The following DAAM1 variants were observed in gnomAD, a reference collection of about 807,000 sequenced individuals.
DAAM1 encodes the protein disheveled-associated activator of morphogenesis 1.
Under a neutral mutation model 130.0 loss-of-function variants are expected in DAAM1, and 52 were observed. The ratio of observed to expected loss-of-function variants is 0.40; its 90% CI spans 0.32 to 0.50. The LOEUF (loss-of-function observed/expected upper bound fraction) is 0.50. DAAM1 is among the 20% of genes least tolerant of loss of function. The pLI, the probability that DAAM1 is intolerant of heterozygous loss-of-function variation, is 0.61. For missense variants in DAAM1, 1,134 were observed against 1,303.8 expected, an observed-to-expected ratio of 0.87 and a Z score of 2.01; for synonymous variants, 452 against 444.5, an observed-to-expected ratio of 1.02 and a Z score of -0.21.
rs1416277410 is a variant in DAAM1, at chr14:59,331,489, A to G, written c.1841A>G (p.Asn614Ser). 6.9e-6 allele frequency: 11 copies of G among 1,599,064 alleles called. No homozygotes were observed. Among genetic ancestry groups the G allele is most frequent in the South Asian group, 2.2e-5 (2 of 90,110 alleles). Residue 614 changes from asparagine (N) to serine (S), a missense_variant, in exon 14 of 25, where the codon AAC becomes AGC. Coordinates refer to ENST00000360909, the MANE Select transcript of DAAM1 (RefSeq NM_001270520.2). Reference protein sequence around the residue: ...PQPTNALKSFNWSKLPENKLE... With the variant: ...PQPTNALKSFSWSKLPENKLE... Reference sequence around the variant, plus strand: ...CCCACAAATGCCCTGAAATCCTTCAACTGGTCTAAACTGCCCGAGGTGAGC... The same window carrying G: ...CCCACAAATGCCCTGAAATCCTTCAGCTGGTCTAAACTGCCCGAGGTGAGC...
At chr14:59,213,059 A>C (rs1453990982) in intron 1 of DAAM1, among the ~76,000 whole-genome samples, 1 of 151,442 alleles carries the variant, frequency 6.6e-6, no homozygotes, top group African/African-American at 2.4e-5. Context: ...CCTCCCCAGG[A>C]GTAGGGATTA....
chr14:59,356,669 T>A (rs1436383310), intron 20 of DAAM1, among the ~76,000 whole-genome samples: 8 of 152,194 alleles, frequency 5.3e-5, no homozygotes. Context: ...CTTATTTGTG[T>A]CTAAAGAGCC....
At chr14:59,328,638 G>A (rs1397278164) in intron 12 of DAAM1, among the ~76,000 whole-genome samples, 1 of 152,152 alleles carries the variant, frequency 6.6e-6, no homozygotes, top group Non-Finnish European at 1.5e-5. Context: ...TGCAACCTGA[G>A]GATTAATCCT....
intron 23 of DAAM1, among the ~76,000 whole-genome samples, chr14:59,367,103 C>G (rs1398091775): frequency 6.6e-6 from 1 of 151,914 alleles, no homozygotes; most frequent in Non-Finnish European, 1.5e-5. Flanking sequence ...GCCCGGCCAA[C>G]ATGGCAAAAT....
Position 59,367,769 on chromosome 14 carries a change from G to A in DAAM1, c.2997+170G>A, listed in dbSNP as rs149871150. ...GTTGTTTCTCTTGGGCTATTTAACA[G>A]TGTATATTCAAAGCCTTAAAAAAAA... is the stretch of plus-strand genomic sequence containing the variant. On this transcript the variant is annotated intron_variant, in intron 24 of 24. Transcript: ENST00000360909. 0.01 allele frequency among the ~76,000 whole-genome samples: 1,553 copies of A among 152,058 alleles called. 12 individuals carry two copies. Among genetic ancestry groups the A allele is most frequent in the Admixed American group, 0.016 (252 of 15,274 alleles).
intron 3 of DAAM1, among the ~76,000 whole-genome samples, chr14:59,296,928 A>G (rs532945792): frequency 2.6e-5 from 4 of 152,248 alleles, no homozygotes; most frequent in Non-Finnish European, 5.9e-5. Flanking sequence ...AAGTCAGTGC[A>G]GGGGAAGACT....
Position 59,249,233 on chromosome 14 carries a change from C to A in DAAM1, c.-37-14208C>A, listed in dbSNP as rs150485851. The stretch of plus-strand genomic sequence containing the variant: ...AAAGGAGCCTATTAACACAGCAGAA[C>A]AAATTCCTGGCATCTTAGGTATTTT... On this transcript the variant is annotated intron_variant, in intron 1 of 24. Coordinates refer to ENST00000360909, the MANE Select transcript of DAAM1 (RefSeq NM_001270520.2). Among the ~76,000 whole-genome samples, 1,306 of 152,342 alleles carry A rather than the reference C, an allele frequency of 8.6e-3. 5 individuals are homozygous for A. Among genetic ancestry groups the A allele is most frequent in the Middle Eastern group, 0.017 (5 of 294 alleles).
intron 1 of DAAM1, among the ~76,000 whole-genome samples, chr14:59,203,158 A>T (rs1888162296): frequency 9.2e-6 from 1 of 108,112 alleles, no homozygotes. Flanking sequence ...CTTCTGGCTA[A>T]TTTTTTTTTT....
intron 20 of DAAM1, among the ~76,000 whole-genome samples, chr14:59,356,914 C>T (rs752222753): frequency 6.6e-6 from 1 of 152,206 alleles, no homozygotes; most frequent in Non-Finnish European, 1.5e-5. Flanking sequence ...GCGCCCACAC[C>T]TTATACACCT....
At chr14:59,231,679 A>G (rs1190845628) in intron 1 of DAAM1, among the ~76,000 whole-genome samples, 1 of 152,150 alleles carries the variant, frequency 6.6e-6, no homozygotes, top group East Asian at 1.9e-4. Flanking sequence ...CATGCCAGTA[A>G]TAAAACTCAC....
At chr14:59,306,220 C>T (rs191538601) in intron 3 of DAAM1, among the ~76,000 whole-genome samples, 66 of 152,226 alleles carry the variant, frequency 4.3e-4, no homozygotes, top group African/African-American at 1.5e-3. Flanking sequence ...CTCTAAAGTT[C>T]AGAAATGTGT....
chr14:59,227,387 T>C (rs548293271), intron 1 of DAAM1, among the ~76,000 whole-genome samples: 72 of 152,314 alleles, frequency 4.7e-4, no homozygotes, highest in African/African-American at 1.7e-3. Flanking sequence ...CACCTTCTTG[T>C]TATCTTACGT....
chr14:59,289,628 G>A (rs1038480576), intron 2 of DAAM1, among the ~76,000 whole-genome samples: 5 of 151,312 alleles, frequency 3.3e-5, no homozygotes, highest in African/African-American at 1.2e-4. Flanking sequence ...CCCACTATTG[G>A]GTATATATAC....
chr14:59,285,410 G>A (rs1883400146), intron 2 of DAAM1, among the ~76,000 whole-genome samples: 1 of 152,148 alleles, frequency 6.6e-6, no homozygotes, highest in Non-Finnish European at 1.5e-5. Context: ...ACGGCACAAT[G>A]AAAGGATCAA....
At chr14:59,192,702 T>C (rs768817492) in intron 1 of DAAM1, among the ~76,000 whole-genome samples, 12 of 152,220 alleles carry the variant, frequency 7.9e-5, no homozygotes, top group Middle Eastern at 3.2e-3. Context: ...ATAGAGGTAA[T>C]ATTCTAAGTG....
At chr14:59,347,188 A>G (rs1886117418) in intron 16 of DAAM1, among the ~76,000 whole-genome samples, 1 of 152,232 alleles carries the variant, frequency 6.6e-6, no homozygotes, top group Non-Finnish European at 1.5e-5. Flanking sequence ...CAGGTCAGAA[A>G]CTTAATTCTG....
intron 1 of DAAM1, among the ~76,000 whole-genome samples, chr14:59,220,982 A>G (rs1888753516): frequency 1.3e-5 from 2 of 152,246 alleles, no homozygotes; most frequent in South Asian, 4.1e-4. Context: ...ATGTTCTACC[A>G]GCTATCTGGG....
chr14:59,356,678 C>T (rs1367721527), intron 20 of DAAM1, among the ~76,000 whole-genome samples: 1 of 152,182 alleles, frequency 6.6e-6, no homozygotes, highest in East Asian at 1.9e-4. Context: ...GTCTAAAGAG[C>T]CTTTTTAAGG....
chr14:59,357,730 A>G (rs975145960), intron 20 of DAAM1, among the ~76,000 whole-genome samples: 1 of 152,108 alleles, frequency 6.6e-6, no homozygotes, highest in Non-Finnish European at 1.5e-5. Flanking sequence ...GTGAGCCCAG[A>G]TCGCACCACT....
Sources: gnomAD v4.1 joint callset for allele counts (sites outside exome capture counted in the v4.1 genomes callset) on GRCh38, gnomAD v4.1.1 for gene constraint, MANE v1.5 for transcripts, NCBI Gene and HGNC (gene_info 2026-07-23, HGNC 2026-07-21) for gene names.